The following ALDH16A1 variants were observed in gnomAD, a reference collection of about 807,000 sequenced individuals.
The protein encoded by ALDH16A1 is aldehyde dehydrogenase family 16 member A1.
A neutral mutation model predicts 96.1 loss-of-function variants in ALDH16A1; 88 were observed. The observed-to-expected ratio is 0.92, with a 90% CI of 0.77 to 1.09. The LOEUF (loss-of-function observed/expected upper bound fraction) is 1.09, where lower values mean the gene tolerates loss of function less well. Among genes scored for constraint, ALDH16A1 ranks in the 50% least tolerant of loss-of-function variants. ALDH16A1 has a pLI of 0.00. For missense variants in ALDH16A1, 1,250 were observed against 1,112.6 expected (o/e 1.12, Z -1.76); for synonymous variants, 522 against 496.4 (o/e 1.05, Z -0.69).
At chr19:49,461,206 A>G (rs1240029630) in intron 5 of ALDH16A1, among the ~76,000 whole-genome samples, 1 of 63,534 alleles carries the variant, frequency 1.6e-5, no homozygotes, top group Admixed American at 1.6e-4. Flanking sequence ...GGTCTGAGGG[A>G]GGAGGGGCTG....
rs778508170 is a variant in ALDH16A1, at chr19:49,453,436, G to T, written c.90+15G>T. 1.3e-6 allele frequency: 2 copies of T among 1,515,032 alleles called. No homozygotes were observed. Among genetic ancestry groups the T allele is most frequent in the Non-Finnish European group, 1.8e-6 (2 of 1,126,004 alleles). 93.8% of individuals were successfully genotyped at this position (1,515,032 alleles called of 1,614,324 possible). On this transcript the variant is annotated intron_variant, in intron 1 of 16. Coordinates refer to ENST00000293350, the MANE Select transcript of ALDH16A1 (RefSeq NM_153329.4). ...CATGCGCACTGGTGAGAGTCTGCCC[G>T]GCCGGCGCTGCTCGCTGCGTTCCCC...
At chr19:49,469,071 T>G in intron 16 of ALDH16A1, 85 bp downstream of exon 16, 1 of 1,514,462 alleles carries the variant, frequency 6.6e-7, no homozygotes, top group South Asian at 1.3e-5. Context: ...CCCGCCCTCT[T>G]AGAACTCCTG....
At chr19:49,466,471 C>A (rs75555215) in intron 14 of ALDH16A1, among the ~76,000 whole-genome samples, 188 bp downstream of exon 14, 3,802 of 152,300 alleles carry the variant, frequency 0.025, 167 homozygotes, top group African/African-American at 0.086. Flanking sequence ...GCACACAACC[C>A]GCCTCGTAGA....
rs2122407906 is a variant in ALDH16A1, at chr19:49,464,472, C to T, written c.1387C>T (p.Pro463Ser). 1 of 1,612,804 alleles carries T rather than the reference C, an allele frequency of 6.2e-7. No individual in the cohort carries two copies. Among genetic ancestry groups the T allele is most frequent in the South Asian group, 1.1e-5 (1 of 90,902 alleles). ...NAHGLRDPSV[P>S]TGGCKESGCS... ...CCACGGCCTCAGAGACCCTTCGGTG[C>T]CCACAGGCGGCTGCAAGGAGAGTGG... Residue 463 changes from proline (P) to serine (S), a missense_variant, in exon 11 of 17, where the codon CCC becomes TCC. Pro to Ser is a moderately conservative substitution (Grantham distance 74, BLOSUM62 -1). Coordinates refer to ENST00000293350, the MANE Select transcript of ALDH16A1 (RefSeq NM_153329.4).
intron 16 of ALDH16A1, chr19:49,469,876 C>A (rs2079230830): frequency 6.3e-6 from 1 of 157,710 alleles, no homozygotes; most frequent in African/African-American, 2.4e-5. Context: ...CCACTGTGCC[C>A]AACCAATTTT....
rs973222686 is a variant in ALDH16A1, at chr19:49,462,630, G to A, written c.973G>A (p.Glu325Lys). ...GGATGAAGCCATGAGACGGCTGCAG[G>A]AGCGGATGGGGCGGCTTCGGAGTGG... ...VWDEAMRRLQ[E>K]RMGRLRSGRG... The change falls in exon 8 of 17, where the codon GAG becomes AAG. Residue 325 changes from glutamate to lysine, a missense_variant. By Grantham distance (56) the Glu-to-Lys change is moderately conservative (BLOSUM62 1). Transcript: ENST00000293350. 1 of 1,612,952 alleles carries A rather than the reference G, an allele frequency of 6.2e-7. No homozygotes were observed. Among genetic ancestry groups the A allele is most frequent in the Non-Finnish European group, 8.5e-7 (1 of 1,179,958 alleles).
Position 49,468,991 on chromosome 19 carries a change from T to C in ALDH16A1, c.2247+5T>C. The stretch of plus-strand genomic sequence containing the variant: ...TGGTATTTCGGATCAGCCCAGGTGC[T>C]CTTTGTTCTGTTTTGCCATCTTCAG... On this transcript the variant is annotated splice_donor_5th_base_variant and intron_variant, in intron 16 of 16. Coordinates refer to ENST00000293350, the MANE Select transcript of ALDH16A1 (RefSeq NM_153329.4). The surrounding 1 kb of genome is among the most constrained non-coding windows in gnomAD (Gnocchi z 4.4). 6.2e-7 allele frequency: 1 copy of C among 1,603,762 alleles called. No homozygotes were observed. Among genetic ancestry groups the C allele is most frequent in the Non-Finnish European group, 8.5e-7 (1 of 1,173,340 alleles).
intron 14 of ALDH16A1, among the ~76,000 whole-genome samples, chr19:49,466,690 C>A (rs889257809): frequency 2.6e-5 from 4 of 151,838 alleles, no homozygotes; most frequent in Non-Finnish European, 5.9e-5. Flanking sequence ...GAAACCTGGT[C>A]TCTACTAAAA....
At chr19:49,466,704 C>A (rs1601040891) in intron 14 of ALDH16A1, among the ~76,000 whole-genome samples, 1 of 147,328 alleles carries the variant, frequency 6.8e-6, no homozygotes, top group Non-Finnish European at 1.5e-5. Flanking sequence ...ACTAAAAATA[C>A]AAAAAATTAG....
Position 49,460,847 on chromosome 19 carries a change from C to A in ALDH16A1, c.525C>A (p.Pro175=). 1 of 1,613,768 alleles carries A rather than the reference C, an allele frequency of 6.2e-7. No individual in the cohort carries two copies. Among genetic ancestry groups the A allele is most frequent in the African/African-American group, 1.3e-5 (1 of 75,040 alleles). ...PMGVIGLILP[P]TFSFLEMMWR... is the part of the protein sequence containing the mutation. The stretch of plus-strand genomic sequence containing the variant: ...GAGTAATTGGCCTCATCCTGCCACC[C>A]ACATTCTCCTTCCTTGAGATGATGT... The change falls in exon 5 of 17, where the codon CCC becomes CCA. Residue 175 remains proline (P), a synonymous_variant. Transcript: ENST00000293350.
At chr19:49,456,879 G>A (rs765014282) in intron 1 of ALDH16A1, among the ~76,000 whole-genome samples, 1 of 152,060 alleles carries the variant, frequency 6.6e-6, no homozygotes, top group Admixed American at 6.6e-5. Context: ...AGGCCGAGGC[G>A]AGTGGATCAC....
Position 49,468,607 on chromosome 19 carries a change from CAG to C in ALDH16A1, c.2124+42_2124+43del, listed in dbSNP as rs748493539. The stretch of plus-strand genomic sequence containing the variant: ...TTCCTGCCTCTCCTCCCCGTAGCCT[CAG>C]GGCAGCAGAAAAAGGCGCCCCAAAG... On this transcript the variant is annotated intron_variant, in intron 15 of 16. Transcript: ENST00000293350. The surrounding 1 kb of genome is among the most constrained non-coding windows in gnomAD (Gnocchi z 4.4). 2.5e-6 allele frequency: 4 copies of C among 1,585,162 alleles called. No individual in the cohort carries two copies. In the South Asian group the frequency reaches 3.3e-5, roughly 13 times the overall value.
At chr19:49,460,660 C>T (rs1219641907) in intron 4 of ALDH16A1, among the ~76,000 whole-genome samples, 162 bp from the exon 5 acceptor site, 1 of 151,444 alleles carries the variant, frequency 6.6e-6, no homozygotes, top group African/African-American at 2.4e-5. Flanking sequence ...GTGATCCGCC[C>T]ACCTCGACCT....
intron 1 of ALDH16A1, among the ~76,000 whole-genome samples, chr19:49,457,296 T>C (rs777827574): frequency 2.0e-5 from 3 of 150,272 alleles, no homozygotes; most frequent in East Asian, 2.0e-4. Context: ...GCCTGTAATC[T>C]CAGCACTTTG....
chr19:49,460,148 G>A (rs1454155895), intron 4 of ALDH16A1, among the ~76,000 whole-genome samples: 1 of 151,962 alleles, frequency 6.6e-6, no homozygotes. Context: ...CCTAACCTCA[G>A]ATGATTCACC....
Position 49,458,517 on chromosome 19 carries a change from G to T in ALDH16A1, c.122G>T (p.Gly41Val). 1 of 1,566,574 alleles carries T rather than the reference G, an allele frequency of 6.4e-7. No individual in the cohort carries two copies. Among genetic ancestry groups the T allele is most frequent in the Non-Finnish European group, 8.7e-7 (1 of 1,153,474 alleles). ...AWLDTQDRCLGHYVNGKWLKP... is the reference protein window; with the variant it reads ...AWLDTQDRCLVHYVNGKWLKP... ...CTGGACACCCAGGACCGGTGCTTGG[G>T]CCACTATGTGAATGGGAAGTGGTTA... Residue 41 changes from glycine (G) to valine (V), a missense_variant, in exon 2 of 17, where the codon GGC becomes GTC. Transcript: ENST00000293350.
In ALDH16A1 at chr19:49,470,645, T is replaced by TTTA; in HGVS notation, c.*180_*181insATT. 20 of 563,744 alleles carry TTTA rather than the reference T, an allele frequency of 3.5e-5. No individual in the cohort carries two copies. Among genetic ancestry groups the TTTA allele is most frequent in the African/African-American group, 5.2e-5 (2 of 38,522 alleles). 34.9% of individuals were successfully genotyped at this position (563,744 alleles called of 1,614,324 possible). The stretch of plus-strand genomic sequence containing the variant: ...CAACTTCTGGCAGATATGAGGCTTT[T>TTTA]TTCTTTTTTTTTTTTTTTTTTGAGA... On this transcript the variant is annotated 3_prime_UTR_variant, in exon 17 of 17. Transcript: ENST00000293350.
At chr19:49,467,263 C>T (rs1200629748) in intron 14 of ALDH16A1, among the ~76,000 whole-genome samples, 5 of 152,090 alleles carry the variant, frequency 3.3e-5, no homozygotes, top group African/African-American at 1.2e-4. Flanking sequence ...TCAAGTGATC[C>T]GCCTGTCTTG....
Position 49,453,336 on chromosome 19 carries a change from C to G in ALDH16A1, c.5C>G (p.Ala2Gly). Reference sequence around the variant, plus strand: ...GGAAAGCGTTCGGGGTAGGCGATGGCTGCGACGCGTGCAGGGCCCCGCGCC... The same window carrying G: ...GGAAAGCGTTCGGGGTAGGCGATGGGTGCGACGCGTGCAGGGCCCCGCGCC... M[A>G]ATRAGPRARE... The change falls in exon 1 of 17, where the codon GCT (alanine) becomes GGT (glycine). Residue 2 changes from alanine to glycine, a missense_variant. Physicochemically the swap from Ala to Gly is moderately conservative, Grantham distance 60 (BLOSUM62 0). Coordinates refer to ENST00000293350, the MANE Select transcript of ALDH16A1 (RefSeq NM_153329.4). The G allele has an allele frequency of 6.4e-7, 1 of 1,566,616 alleles. No individual in the cohort carries two copies.
Sources: allele counts gnomAD v4.1 joint callset (sites outside exome capture counted in the v4.1 genomes callset), GRCh38; gene constraint gnomAD v4.1.1; non-coding constraint Gnocchi (gnomAD v3.1); transcripts MANE v1.5; gene names NCBI Gene and HGNC (gene_info 2026-07-23, HGNC 2026-07-21).